Variants in F5 observed in about 807,000 individuals in gnomAD.
F5 encodes coagulation factor V.
In F5, 138 loss-of-function variants were observed where a neutral mutation model predicts 216.4. The observed-to-expected ratio is 0.64, with a 90% confidence interval of 0.56 to 0.73. F5 has a LOEUF of 0.73. F5 is among the 30% of genes least tolerant of loss of function. The pLI is 0.00. For synonymous variants in F5, 916 were observed against 930.7 expected (o/e 0.98, Z 0.29); for missense variants, 2,403 against 2,674.0 (o/e 0.90, Z 2.24).
At chr1:169,576,533 A>T (rs1264422564) in intron 2 of F5, among the ~76,000 whole-genome samples, 2 of 152,224 alleles carry the variant, frequency 1.3e-5, no homozygotes, top group Non-Finnish European at 2.9e-5. Flanking sequence ...TGCTGGGATC[A>T]GAACTCAGAT....
chr1:169,514,425 A>C lies in F5; in HGVS notation c.6563T>G (p.Val2188Gly). The change falls in exon 25 of 25, where the codon GTG (valine) becomes GGG (glycine). Residue 2188 changes from valine to glycine, a missense_variant. This residue lies in a region of F5 where 659 missense variants were observed against 787.9 expected (regional missense o/e 0.84). Transcript: ENST00000367797. ...GATTGGGGGGTTGAAAAAGTTCTTCACATGTCCTTTGGTATTAGTATTTCC... is the reference window on the plus strand; with the variant it reads ...GATTGGGGGGTTGAAAAAGTTCTTCCCATGTCCTTTGGTATTAGTATTTCC... ...FEGNTNTKGH[V>G]KNFFNPPIIS... 6.2e-7 allele frequency: 1 copy of C among 1,613,264 alleles called. No homozygotes were observed.
intron 13 of F5, among the ~76,000 whole-genome samples, chr1:169,539,650 CA>C (rs1278841239): frequency 6.6e-6 from 1 of 152,192 alleles, no homozygotes; most frequent in Non-Finnish European, 1.5e-5. Flanking sequence ...ATTAGTGTAA[CA>C]GCTTTAGTAA....
chr1:169,527,528 C>T (rs138548789), intron 17 of F5, among the ~76,000 whole-genome samples: 164 of 152,150 alleles, frequency 1.1e-3, no homozygotes, highest in African/African-American at 3.4e-3. Flanking sequence ...GGTGATAGGG[C>T]CTAGAAGAGG....
At chr1:169,566,698 T>G (rs1660609848) in intron 3 of F5, among the ~76,000 whole-genome samples, 1 of 152,078 alleles carries the variant, frequency 6.6e-6, no homozygotes, top group Non-Finnish European at 1.5e-5. Flanking sequence ...TTTTTTCATT[T>G]ATAATTTAAG....
intron 10 of F5, 123 bp from the exon 11 acceptor site, chr1:169,546,715 A>G: frequency 1.2e-6 from 1 of 864,524 alleles, no homozygotes. Context: ...AAAGCAAGCA[A>G]TAGGGAAAGG....
At chr1:169,546,799 T>C (rs781197639) in intron 10 of F5, among the ~76,000 whole-genome samples, 8 of 152,026 alleles carry the variant, frequency 5.3e-5, no homozygotes, top group Non-Finnish European at 7.4e-5. Context: ...ACCCCTTTCT[T>C]ACATCATATA....
At chr1:169,529,899 G>A in intron 15 of F5, 81 bp from the exon 16 acceptor site, 1 of 1,185,064 alleles carries the variant, frequency 8.4e-7, no homozygotes, top group Non-Finnish European at 1.2e-6. Flanking sequence ...ATATAGAAAA[G>A]GAAACTTTCT....
chr1:169,522,984 G>A (rs1188989653), intron 21 of F5, among the ~76,000 whole-genome samples: 1 of 151,512 alleles, frequency 6.6e-6, no homozygotes, highest in Non-Finnish European at 1.5e-5. Context: ...GTTTTGTGGG[G>A]TTTTGAAGTT....
intron 11 of F5, among the ~76,000 whole-genome samples, 184 bp downstream of exon 11, chr1:169,546,258 T>A (rs944756004): frequency 6.6e-6 from 1 of 152,104 alleles, no homozygotes; most frequent in African/African-American, 2.4e-5. Flanking sequence ...GCCTTTGACC[T>A]CTTGCTTAAA....
intron 16 of F5, 120 bp from the exon 17 acceptor site, chr1:169,528,214 C>T: frequency 7.9e-7 from 1 of 1,260,646 alleles, no homozygotes; most frequent in South Asian, 1.3e-5. Context: ...CATTCCCAGG[C>T]CTACCTAGCC....
At chr1:169,586,205 AC>A in intron 1 of F5, 23 bp downstream of exon 1, 1 of 1,613,692 alleles carries the variant, frequency 6.2e-7, no homozygotes, top group Non-Finnish European at 8.5e-7. Flanking sequence ...AGAGAAGCCC[AC>A]CCGGACTCCA....
chr1:169,559,097 C>A (rs1053065097), intron 5 of F5, 56 bp downstream of exon 5: 2 of 1,606,498 alleles, frequency 1.2e-6, no homozygotes, highest in African/African-American at 2.7e-5. Flanking sequence ...GAAAACAGGA[C>A]CGAAAAATTA....
In F5 at chr1:169,541,415, G is replaced by A. The variant is rs776374863; in HGVS notation, c.3675C>T (p.Ala1225=). The A allele has an allele frequency of 1.2e-6, 2 of 1,613,702 alleles. No individual in the cohort carries two copies. Among genetic ancestry groups the A allele is most frequent in the Non-Finnish European group, 1.7e-6 (2 of 1,179,872 alleles). ...CTGGAGAAATGGGCATCTGACCGAG[G>A]GCTGGGGAAAGGTTTCTCTGAATGA... ...PELIQRNLSP[A]LGQMPISPDL... is the part of the protein sequence containing the mutation. Residue 1225 remains alanine, a synonymous_variant, in exon 13 of 25, where the codon GCC becomes GCT. Coordinates refer to ENST00000367797, the MANE Select transcript of F5 (RefSeq NM_000130.5).
chr1:169,540,227 T>C lies in F5; in HGVS notation c.4796+67A>G, dbSNP rs9332610. ...ATTTGCCCACAATTATCCCCCTGAA[T>C]TGTAGTAGCTACTTTTTTCAGCAGT... On this transcript the variant is annotated intron_variant, in intron 13 of 24. Transcript: ENST00000367797. 7 of 1,547,360 alleles carry C rather than the reference T, an allele frequency of 4.5e-6. No homozygotes were observed. In the East Asian group the frequency reaches 6.8e-5, roughly 15 times the overall value.
Position 169,544,501 on chromosome 1 carries a change from A to C in F5, c.1770T>G (p.Asn590Lys). The C allele has an allele frequency of 6.2e-7, 1 of 1,613,822 alleles. No homozygotes were observed. Among genetic ancestry groups the C allele is most frequent in the Non-Finnish European group, 8.5e-7 (1 of 1,179,852 alleles). ...TAGTTATGCTCTCAGGCACATAGCC[A>C]TTGATAGCTGAAAGTGTAAAATCTG... is the stretch of plus-strand genomic sequence containing the variant. The part of the protein sequence containing the change: ...FYESNIMSTI[N>K]GYVPESITTL... Residue 590 changes from asparagine (N) to lysine (K), a missense_variant, in exon 12 of 25, where the codon AAT (asparagine) becomes AAG (lysine). Physicochemically the swap from Asn to Lys is moderately conservative, Grantham distance 94 (BLOSUM62 0). Coordinates refer to ENST00000367797, the MANE Select transcript of F5 (RefSeq NM_000130.5).
At chr1:169,516,915 G>C (rs1280975221) in intron 23 of F5, among the ~76,000 whole-genome samples, 1 of 152,102 alleles carries the variant, frequency 6.6e-6, no homozygotes, top group Non-Finnish European at 1.5e-5. Flanking sequence ...CAAAGACTAA[G>C]AGCAAATTAT....
Position 169,541,394 on chromosome 1 carries a change from A to G in F5, c.3696T>C (p.Ser1232=), listed in dbSNP as rs1164385614. Residue 1232 remains serine (S), a synonymous_variant, in exon 13 of 25, where the codon TCT becomes TCC. Transcript: ENST00000367797. The stretch of plus-strand genomic sequence containing the variant: ...AAAGGGTTGTATGGCTGAGGTCTGG[A>G]GAAATGGGCATCTGACCGAGGGCTG... ...LSPALGQMPI[S]PDLSHTTLSP... is the part of the protein sequence containing the mutation. The G allele has an allele frequency of 1.9e-6, 3 of 1,612,686 alleles. No homozygotes were observed. Among genetic ancestry groups the G allele is most frequent in the Admixed American group, 3.3e-5 (2 of 59,766 alleles).
At chr1:169,557,455 T>C (rs1168010640) in intron 5 of F5, among the ~76,000 whole-genome samples, 1 of 152,162 alleles carries the variant, frequency 6.6e-6, no homozygotes, top group Non-Finnish European at 1.5e-5. Context: ...ATTGTTTTAA[T>C]GACAAGTCAA....
chr1:169,583,695 C>T (rs1381714558), intron 1 of F5, among the ~76,000 whole-genome samples: 2 of 152,184 alleles, frequency 1.3e-5, no homozygotes, highest in Non-Finnish European at 2.9e-5. Flanking sequence ...AAGAGTTAGT[C>T]TTTACCCTTC....
Sources: allele counts gnomAD v4.1 joint callset (sites outside exome capture counted in the v4.1 genomes callset), GRCh38; gene constraint gnomAD v4.1.1; regional missense constraint gnomAD v4.1.1; transcripts MANE v1.5; gene names NCBI Gene and HGNC (gene_info 2026-07-23, HGNC 2026-07-21).